Variants in IMMT observed in about 807,000 individuals in gnomAD.
The protein encoded by IMMT is MICOS complex subunit MIC60.
Under a neutral mutation model 92.7 loss-of-function variants are expected in IMMT, and 40 were observed. The ratio of observed to expected loss-of-function variants is 0.43; its 90% confidence interval spans 0.34 to 0.56. The LOEUF is 0.56. Ranked by LOEUF, IMMT falls within the 20% of genes least tolerant of loss-of-function variation. IMMT has a pLI of 0.03. For synonymous variants in IMMT, 322 were observed against 336.1 expected (o/e 0.96, Z 0.46); for missense variants, 831 against 912.1 (o/e 0.91, Z 1.14).
chr2:86,149,981 T>C (rs748986310), intron 12 of IMMT, among the ~76,000 whole-genome samples: 2 of 151,920 alleles, frequency 1.3e-5, no homozygotes, highest in Non-Finnish European at 2.9e-5. Context: ...AGATTTGGGA[T>C]TTATGTTGGA....
At chr2:86,195,070 A>G in intron 1 of IMMT, 1 of 401,130 alleles carries the variant, frequency 2.5e-6, no homozygotes, top group Non-Finnish European at 4.6e-6. Flanking sequence ...GGACGGGGGC[A>G]GCGCGGCCCT....
At position 86,155,861 on chromosome 2, in the gene IMMT, A is replaced by G. The variant is rs374750295; in HGVS notation, c.1163-2287T>C. 9.2e-5 allele frequency among the ~76,000 whole-genome samples: 14 copies of G among 152,366 alleles called. 1 individual carries two copies. Among genetic ancestry groups the G allele is most frequent in the African/African-American group, 3.4e-4 (14 of 41,592 alleles). On this transcript the variant is annotated intron_variant, in intron 10 of 14. Coordinates refer to ENST00000410111, the MANE Select transcript of IMMT (RefSeq NM_006839.3). ...GAATAATTACTATCTCTAGAAATACATAAGAAATCAGTAATACCGGTTGTC... is the reference window on the plus strand; with the variant it reads ...GAATAATTACTATCTCTAGAAATACGTAAGAAATCAGTAATACCGGTTGTC...
intron 13 of IMMT, 99 bp downstream of exon 13, chr2:86,147,603 T>C: frequency 8.2e-7 from 1 of 1,216,100 alleles, no homozygotes; most frequent in Non-Finnish European, 1.1e-6. Context: ...CAAGGAGATT[T>C]CCAAATCTTC....
At chr2:86,146,022 T>G in intron 14 of IMMT, 46 bp downstream of exon 14, 1 of 1,414,114 alleles carries the variant, frequency 7.1e-7, no homozygotes, top group Non-Finnish European at 9.4e-7. Context: ...TTTGATAAAT[T>G]ATGCTGAGGA....
chr2:86,183,092 C>T (rs1382704248), intron 1 of IMMT, among the ~76,000 whole-genome samples: 2 of 152,002 alleles, frequency 1.3e-5, no homozygotes, highest in African/African-American at 2.4e-5. Flanking sequence ...TATTAAGAGG[C>T]CACTGAAGTT....
chr2:86,145,708 T>C (rs1487872548), intron 14 of IMMT, among the ~76,000 whole-genome samples: 1 of 152,114 alleles, frequency 6.6e-6, no homozygotes, highest in Non-Finnish European at 1.5e-5. Context: ...GCATAAATAC[T>C]GTCCATTTGG....
intron 8 of IMMT, among the ~76,000 whole-genome samples, chr2:86,161,097 T>A (rs200173746): frequency 2.1e-5 from 3 of 140,636 alleles, no homozygotes; most frequent in Non-Finnish European, 1.5e-5. Flanking sequence ...GACCATGAAT[T>A]AAAAAAAAAA....
intron 5 of IMMT, 21 bp from the exon 6 acceptor site, chr2:86,170,865 G>A: frequency 1.3e-6 from 2 of 1,527,418 alleles, no homozygotes; most frequent in Non-Finnish European, 1.8e-6. Flanking sequence ...AAGTAAATAA[G>A]AGGAAATCAA....
chr2:86,185,056 T>C (rs1345131533), intron 1 of IMMT, among the ~76,000 whole-genome samples: 1 of 151,862 alleles, frequency 6.6e-6, no homozygotes, highest in Non-Finnish European at 1.5e-5. Context: ...GGCGTGGCAG[T>C]GTGCGCCTGT....
At chr2:86,186,336 T>C (rs528551497) in intron 1 of IMMT, among the ~76,000 whole-genome samples, 13 of 152,258 alleles carry the variant, frequency 8.5e-5, no homozygotes, top group African/African-American at 2.2e-4. Context: ...ATATCCAAAA[T>C]TGACTGCAAC....
In IMMT at chr2:86,173,969, G is replaced by T. The variant is rs1362904766; in HGVS notation, c.310-208C>A. ...TCAAAAATTTCATTCCAAATGACCAGCCCATATTTTAATAGTAACAAAGGT... is the reference window on the plus strand; with the variant it reads ...TCAAAAATTTCATTCCAAATGACCATCCCATATTTTAATAGTAACAAAGGT... On this transcript the variant is annotated intron_variant, in intron 3 of 14. Transcript: ENST00000410111. 5.3e-5 allele frequency among the ~76,000 whole-genome samples: 8 copies of T among 152,222 alleles called. No individual in the cohort carries two copies. In the East Asian group the frequency reaches 9.6e-4, roughly 18 times the overall value.
Position 86,179,464 on chromosome 2 carries a change from G to A in IMMT, c.278C>T (p.Ala93Val). 1 of 1,609,112 alleles carries A rather than the reference G, an allele frequency of 6.2e-7. No homozygotes were observed. The highest frequency in any genetic ancestry group is 8.5e-7 in the Non-Finnish European group (1 of 1,178,430). ...CTTTGGCAATGGAACATTATAAGCT[G>A]CAGGACCAAGAACCATCTCGAAGAG... The part of the protein sequence containing the change: ...DKLFEMVLGP[A>V]AYNVPLPKKS... Residue 93 changes from alanine (A) to valine (V), a missense_variant, in exon 3 of 15, where the codon GCA (alanine) becomes GTA (valine). Coordinates refer to ENST00000410111, the MANE Select transcript of IMMT (RefSeq NM_006839.3).
In IMMT at chr2:86,151,385, T is replaced by C. The variant is rs747916681; in HGVS notation, c.1313A>G (p.Lys438Arg). The change falls in exon 12 of 15, where the codon AAG becomes AGG. Residue 438 changes from lysine to arginine, a missense_variant. By Grantham distance (26) the Lys-to-Arg change is conservative. Transcript: ENST00000410111. The stretch of plus-strand genomic sequence containing the variant: ...GTCAAATGCCCGCTTTTCTTCCAGC[T>C]TTTGTTTCTCCAAGGCTAACGTGAT... ...QHITLALEKQ[K>R]LEEKRAFDSA... 6.2e-7 allele frequency: 1 copy of C among 1,614,046 alleles called. No homozygotes were observed. Among genetic ancestry groups the C allele is most frequent in the Admixed American group, 1.7e-5 (1 of 60,022 alleles).
chr2:86,185,873 A>C (rs993461079), intron 1 of IMMT, among the ~76,000 whole-genome samples: 1 of 152,236 alleles, frequency 6.6e-6, no homozygotes, highest in Non-Finnish European at 1.5e-5. Flanking sequence ...AGGAGCCCAA[A>C]GGGTAGAACC....
At chr2:86,173,578 C>CT in intron 4 of IMMT, 72 bp downstream of exon 4, 1 of 897,982 alleles carries the variant, frequency 1.1e-6, no homozygotes, top group African/African-American at 1.7e-5. Flanking sequence ...GAAACTCCAT[C>CT]TCAAAAAAAA....
chr2:86,156,164 C>T (rs944810586), intron 10 of IMMT, among the ~76,000 whole-genome samples: 6 of 152,138 alleles, frequency 3.9e-5, no homozygotes, highest in African/African-American at 1.2e-4. Flanking sequence ...TTTAGCAGCA[C>T]GTCTGGCCTC....
At chr2:86,193,804 C>A (rs1216418089) in intron 1 of IMMT, among the ~76,000 whole-genome samples, 5 of 152,134 alleles carry the variant, frequency 3.3e-5, no homozygotes, top group Non-Finnish European at 7.4e-5. Context: ...TGATTCAGAG[C>A]TATAAAAGGG....
intron 1 of IMMT, among the ~76,000 whole-genome samples, chr2:86,182,424 T>C (rs143652832): frequency 1.1e-3 from 163 of 152,362 alleles, no homozygotes; most frequent in African/African-American, 3.8e-3. Flanking sequence ...ATTTACACTC[T>C]ACTGGCCAAA....
At chr2:86,160,231 G>C (rs778496374) in intron 8 of IMMT, among the ~76,000 whole-genome samples, 13 of 152,170 alleles carry the variant, frequency 8.5e-5, no homozygotes, top group Admixed American at 1.3e-4. Context: ...TCCCATATCA[G>C]CCTCTCATTT....
Sources: gnomAD v4.1 joint callset for allele counts (sites outside exome capture counted in the v4.1 genomes callset) on GRCh38, gnomAD v4.1.1 for gene constraint, MANE v1.5 for transcripts, NCBI Gene and HGNC (gene_info 2026-07-23, HGNC 2026-07-21) for gene names.